Variants in PRIM2 observed in about 807,000 individuals in gnomAD.
PRIM2 encodes DNA primase subunit 2, also known as DNA primase large subunit.
PRIM2 carries 39 observed loss-of-function variants against 67.3 expected under a neutral mutation model. That is an observed-to-expected ratio of 0.58 (90% confidence interval 0.45 to 0.76). PRIM2 has a LOEUF of 0.76. Ranked by LOEUF, PRIM2 falls within the 30% of genes least tolerant of loss-of-function variation. The probability of loss-of-function intolerance (pLI) is 0.00; values close to 1 mark genes in which losing one functional copy is unlikely to be tolerated. For synonymous variants in PRIM2, 143 were observed against 198.7 expected (o/e 0.72, Z 2.36); for missense variants, 398 against 598.7 (o/e 0.66, Z 3.50).
At chr6:57,346,834 C>G (rs528673371) in intron 5 of PRIM2, among the ~76,000 whole-genome samples, 28 of 152,214 alleles carry the variant, frequency 1.8e-4, no homozygotes, top group African/African-American at 6.7e-4. Context: ...TGTTCTCAGT[C>G]TTTGAGTGGC....
chr6:57,578,919 G>T (rs1478423752), intron 10 of PRIM2, among the ~76,000 whole-genome samples: 1 of 151,232 alleles, frequency 6.6e-6, no homozygotes, highest in East Asian at 1.9e-4. Context: ...CTCGTGATCC[G>T]CCCGCCTCGG....
At chr6:57,612,768 AT>A (rs1472160486) in intron 12 of PRIM2, among the ~76,000 whole-genome samples, 1 of 148,592 alleles carries the variant, frequency 6.7e-6, no homozygotes, top group African/African-American at 2.5e-5. Context: ...TTATACCTTA[AT>A]TTTTTTCTTT....
intron 10 of PRIM2, among the ~76,000 whole-genome samples, chr6:57,588,934 T>A (rs1776240465): frequency 6.6e-6 from 1 of 152,162 alleles, no homozygotes; most frequent in Non-Finnish European, 1.5e-5. Context: ...AGCCACAGTT[T>A]CATCAGTTTG....
intron 5 of PRIM2, among the ~76,000 whole-genome samples, chr6:57,374,972 A>G (rs1769707780): frequency 6.6e-6 from 1 of 152,388 alleles, no homozygotes; most frequent in Non-Finnish European, 1.5e-5. Context: ...TTGGGCTGAG[A>G]CAATGGGGTT....
In PRIM2 at chr6:57,427,692, T is replaced by TG. The variant is rs1254261756; in HGVS notation, c.693+45530dup. Among the ~76,000 whole-genome samples the TG allele has an allele frequency of 4.6e-5, 7 of 152,260 alleles. No homozygotes were observed. In the Middle Eastern group the frequency reaches 0.01, roughly 222 times the overall value. ...ATTTGTATTATAGTGATAATTTTTT[T>TG]GGGGGGAGATTGTTGTTTATTTATA... On this transcript the variant is annotated intron_variant, in intron 7 of 13. Transcript: ENST00000615550.
chr6:57,433,707 A>C lies in PRIM2; in HGVS notation c.693+51539A>C, dbSNP rs570675180. ...ACAGAAGTTAGTGGTTAAATTATTC[A>C]AGACACTCAAAACAGACATTTAAAA... On this transcript the variant is annotated intron_variant, in intron 7 of 13. Transcript: ENST00000615550. Among the ~76,000 whole-genome samples, 7 of 152,304 alleles carry C rather than the reference A, an allele frequency of 4.6e-5. No homozygotes were observed. The South Asian group carries it at 1.4e-3, about 32-fold the overall frequency.
At chr6:57,400,322 C>G (rs568553861) in intron 7 of PRIM2, among the ~76,000 whole-genome samples, 1 of 152,176 alleles carries the variant, frequency 6.6e-6, no homozygotes, top group African/African-American at 2.4e-5. Flanking sequence ...TCAACATTTT[C>G]TTATCTGAAA....
At chr6:57,396,992 G>A (rs1770538452) in intron 7 of PRIM2, among the ~76,000 whole-genome samples, 2 of 152,132 alleles carry the variant, frequency 1.3e-5, no homozygotes, top group Non-Finnish European at 2.9e-5. Flanking sequence ...GGAAGACAGG[G>A]TCCCAATCCC....
At chr6:57,562,150 C>T (rs1169073526) in intron 10 of PRIM2, among the ~76,000 whole-genome samples, 1 of 151,940 alleles carries the variant, frequency 6.6e-6, no homozygotes, top group African/African-American at 2.4e-5. Context: ...TCAAAGATCA[C>T]TGATCACAGA....
intron 7 of PRIM2, among the ~76,000 whole-genome samples, chr6:57,435,415 A>G (rs1771978268): frequency 6.6e-6 from 1 of 152,072 alleles, no homozygotes; most frequent in Admixed American, 6.6e-5. Flanking sequence ...TTTCACCTGG[A>G]TGATTCCTTC....
At chr6:57,570,925 T>C (rs1775850537) in intron 10 of PRIM2, among the ~76,000 whole-genome samples, 1 of 152,106 alleles carries the variant, frequency 6.6e-6, no homozygotes. Context: ...ACCATGAAAT[T>C]GGTGTCATCC....
chr6:57,489,098 G>C (rs1392565808), intron 7 of PRIM2, among the ~76,000 whole-genome samples: 12 of 152,264 alleles, frequency 7.9e-5, no homozygotes, highest in Non-Finnish European at 1.2e-4. Flanking sequence ...CTGCACATGA[G>C]TGGGCTTCCC....
chr6:57,423,670 C>A (rs1447713607), intron 7 of PRIM2, among the ~76,000 whole-genome samples: 1 of 152,110 alleles, frequency 6.6e-6, no homozygotes, highest in East Asian at 1.9e-4. Context: ...GTGAAGTAGC[C>A]AATTAAACTT....
At chr6:57,275,867 C>G in the PRIM2 span, among the ~76,000 whole-genome samples, 1 of 152,158 alleles carries the variant, frequency 6.6e-6, no homozygotes, top group East Asian at 1.9e-4. Context: ...ACGTCCATAG[C>G]AGTGGTGTTC....
chr6:57,310,751 C>A (rs929641908), upstream of PRIM2, among the ~76,000 whole-genome samples: 1 of 143,270 alleles, frequency 7.0e-6, no homozygotes, highest in Admixed American at 7.0e-5. Flanking sequence ...ACGGGGTGGC[C>A]AGGCAGAGGC....
chr6:57,578,325 A>G (rs1775999782), intron 10 of PRIM2, among the ~76,000 whole-genome samples: 1 of 152,122 alleles, frequency 6.6e-6, no homozygotes, highest in Non-Finnish European at 1.5e-5. Context: ...ACATACTTTT[A>G]GACTATGTAA....
At chr6:57,487,284 C>T (rs1332503080) in intron 7 of PRIM2, among the ~76,000 whole-genome samples, 1 of 152,068 alleles carries the variant, frequency 6.6e-6, no homozygotes, top group African/African-American at 2.4e-5. Context: ...GGCTGGAGTG[C>T]AGTGGTGTGA....
chr6:57,355,196 C>A (rs762005041), intron 5 of PRIM2, among the ~76,000 whole-genome samples: 2 of 151,216 alleles, frequency 1.3e-5, no homozygotes, highest in Non-Finnish European at 3.0e-5. Context: ...CCCAGCTACT[C>A]GGGAGGCTGA....
chr6:57,229,612 C>T, the PRIM2 span, among the ~76,000 whole-genome samples: 8 of 151,958 alleles, frequency 5.3e-5, no homozygotes, highest in Admixed American at 3.9e-4. Context: ...CTTAGCCTCC[C>T]GGGTAGCTGG....
Sources: allele counts gnomAD v4.1 joint callset (sites outside exome capture counted in the v4.1 genomes callset), GRCh38; gene constraint gnomAD v4.1.1; transcripts MANE v1.5; gene names NCBI Gene and HGNC (gene_info 2026-07-23, HGNC 2026-07-21).